DIAPH3: variants seen among roughly 807,000 people sequenced by gnomAD.
DIAPH3 encodes diaphanous related formin 3.
In DIAPH3, 117 loss-of-function variants were observed where a neutral mutation model predicts 144.3. That is an observed-to-expected ratio of 0.81 (90% CI 0.70 to 0.95). The LOEUF is 0.95. DIAPH3 is among the 40% of genes least tolerant of loss of function. The pLI, the probability that DIAPH3 is intolerant of heterozygous loss-of-function variation, is 0.00. For synonymous variants in DIAPH3, 519 were observed against 488.9 expected (o/e 1.06, Z -0.81); for missense variants, 1,421 against 1,412.7 (o/e 1.01, Z -0.09).
At position 59,939,438 on chromosome 13, in the gene DIAPH3, C is replaced by T. The variant is rs1210450628; in HGVS notation, c.2075-14568G>A. 3.3e-5 allele frequency among the ~76,000 whole-genome samples: 5 copies of T among 152,214 alleles called. No individual in the cohort carries two copies. In the South Asian group the frequency reaches 6.2e-4, roughly 19 times the overall value. On this transcript the variant is annotated intron_variant, in intron 17 of 27. Coordinates refer to ENST00000400324, the MANE Select transcript of DIAPH3 (RefSeq NM_001042517.2). ...TTATAGTAGCCCATATCAATTACTC[C>T]GTCATTAAAGGTGCATAGTGATAAA...
At chr13:60,015,005 T>TTTTGTTTTGC (rs754308478) in intron 7 of DIAPH3, among the ~76,000 whole-genome samples, 1 of 151,880 alleles carries the variant, frequency 6.6e-6, no homozygotes, top group Non-Finnish European at 1.5e-5. Context: ...TTTTGTTTTG[T>TTTTGTTTTGC]TTTGTTTAAG....
chr13:59,948,881 G>A (rs71432796), intron 17 of DIAPH3, among the ~76,000 whole-genome samples: 3 of 151,330 alleles, frequency 2.0e-5, no homozygotes, highest in Non-Finnish European at 4.4e-5. Context: ...AGGAAGGAAG[G>A]AAGGAAGGAA....
At chr13:59,967,185 G>A (rs2050102250) in intron 17 of DIAPH3, among the ~76,000 whole-genome samples, 1 of 151,984 alleles carries the variant, frequency 6.6e-6, no homozygotes, top group Non-Finnish European at 1.5e-5. Context: ...TCATGCCTCA[G>A]CCTCCGGAGT....
chr13:59,673,580 T>C (rs2032491113), intron 27 of DIAPH3, among the ~76,000 whole-genome samples: 1 of 152,174 alleles, frequency 6.6e-6, no homozygotes. Flanking sequence ...TAGTTTATAG[T>C]AATGAATGAC....
intron 27 of DIAPH3, among the ~76,000 whole-genome samples, chr13:59,771,990 T>C (rs1380096823): frequency 6.6e-6 from 1 of 152,038 alleles, no homozygotes; most frequent in Non-Finnish European, 1.5e-5. Flanking sequence ...AAATAAGTTA[T>C]GAGATCAATA....
At chr13:60,156,940 T>TA (rs58923567) in intron 1 of DIAPH3, among the ~76,000 whole-genome samples, 5,136 of 25,202 alleles carry the variant, frequency 0.2, 173 homozygotes, top group Middle Eastern at 0.36. Flanking sequence ...TATATATATA[T>TA]TTTTTTTTTT....
chr13:59,758,217 T>C (rs1001816984), intron 27 of DIAPH3, among the ~76,000 whole-genome samples: 12 of 152,210 alleles, frequency 7.9e-5, no homozygotes, highest in African/African-American at 2.9e-4. Flanking sequence ...CTCCTAGGTG[T>C]ATGTCTGATA....
intron 5 of DIAPH3, among the ~76,000 whole-genome samples, chr13:60,042,399 A>G (rs892621566): frequency 6.6e-6 from 1 of 152,242 alleles, no homozygotes; most frequent in African/African-American, 2.4e-5. Flanking sequence ...AAACTCAGTC[A>G]TATTAAATTA....
chr13:60,072,719 T>C (rs1333981098), intron 4 of DIAPH3, among the ~76,000 whole-genome samples: 4 of 151,816 alleles, frequency 2.6e-5, no homozygotes, highest in Non-Finnish European at 5.9e-5. Flanking sequence ...AAAGGAGAAA[T>C]AATATCAGAA....
At chr13:59,871,127 C>A (rs2044243891) in intron 21 of DIAPH3, among the ~76,000 whole-genome samples, 1 of 149,754 alleles carries the variant, frequency 6.7e-6, no homozygotes, top group African/African-American at 2.5e-5. Context: ...ATTAGGTGAC[C>A]TCATAATCTA....
At chr13:59,932,323 T>C (rs943321061) in intron 17 of DIAPH3, among the ~76,000 whole-genome samples, 1 of 152,174 alleles carries the variant, frequency 6.6e-6, no homozygotes, top group Non-Finnish European at 1.5e-5. Flanking sequence ...TATTAAGTAC[T>C]GCACTGAAGG....
chr13:60,063,516 C>G (rs2056847387), intron 4 of DIAPH3, among the ~76,000 whole-genome samples: 1 of 152,162 alleles, frequency 6.6e-6, no homozygotes, highest in Non-Finnish European at 1.5e-5. Flanking sequence ...TGAGAGGAGT[C>G]ACTATCTATG....
chr13:59,958,867 CTTTTTTT>C (rs932649097), intron 17 of DIAPH3, among the ~76,000 whole-genome samples: 1 of 94,344 alleles, frequency 1.1e-5, no homozygotes, highest in Non-Finnish European at 2.0e-5. Flanking sequence ...CTTCAATAAA[CTTTTTTT>C]TTTTTTTTTT....
rs1399307922 is a variant in DIAPH3, at chr13:60,112,766, A to AG, written c.214-581dup. 7.2e-5 allele frequency among the ~76,000 whole-genome samples: 11 copies of AG among 152,354 alleles called. 1 individual carries two copies. In the South Asian group the frequency reaches 2.1e-3, roughly 29 times the overall value. On this transcript the variant is annotated intron_variant, in intron 2 of 27. Coordinates refer to ENST00000400324, the MANE Select transcript of DIAPH3 (RefSeq NM_001042517.2). ...GAATATCTACAGGGCAAAATGGTTA[A>AG]GGCCTTAAGAAATAAACCTAGATTT... is the stretch of plus-strand genomic sequence containing the variant.
intron 27 of DIAPH3, among the ~76,000 whole-genome samples, chr13:59,692,886 T>C (rs930955337): frequency 6.6e-6 from 1 of 152,190 alleles, no homozygotes; most frequent in African/African-American, 2.4e-5. Flanking sequence ...TTCTTCTGAC[T>C]CCAACTCTTT....
At position 59,755,884 on chromosome 13, in the gene DIAPH3, C is replaced by T. The variant is rs559155819; in HGVS notation, c.3319+18305G>A. Among the ~76,000 whole-genome samples, 7 of 152,174 alleles carry T rather than the reference C, an allele frequency of 4.6e-5. No homozygotes were observed. The South Asian group carries it at 1.2e-3, about 27-fold the overall frequency. ...TAGAATTAATCATATCCTGTACAGC[C>T]ATATAATGAGCCTTATAAAAATAAT... On this transcript the variant is annotated intron_variant, in intron 27 of 27. Transcript: ENST00000400324.
chr13:60,083,864 T>G (rs978999350), intron 4 of DIAPH3, among the ~76,000 whole-genome samples: 1 of 151,906 alleles, frequency 6.6e-6, no homozygotes, highest in Non-Finnish European at 1.5e-5. Flanking sequence ...TCATCACTAC[T>G]GCACTCCAGC....
intron 20 of DIAPH3, among the ~76,000 whole-genome samples, chr13:59,906,340 C>T (rs755496606): frequency 2.1e-4 from 32 of 152,064 alleles, no homozygotes; most frequent in South Asian, 1.0e-3. Flanking sequence ...AAAATGTTCA[C>T]GTGAACATGC....
intron 21 of DIAPH3, among the ~76,000 whole-genome samples, chr13:59,869,641 G>T (rs2044137445): frequency 6.6e-6 from 1 of 152,190 alleles, no homozygotes; most frequent in Admixed American, 6.6e-5. Context: ...GCATGAAAAT[G>T]TTAACTTCTG....
Sources: gnomAD v4.1 joint callset for allele counts (sites outside exome capture counted in the v4.1 genomes callset) on GRCh38, gnomAD v4.1.1 for gene constraint, MANE v1.5 for transcripts, NCBI Gene and HGNC (gene_info 2026-07-23, HGNC 2026-07-21) for gene names.